The following KCNJ6 variants were observed in gnomAD, a reference collection of about 807,000 sequenced individuals.
KCNJ6 encodes G protein-activated inward rectifier potassium channel 2.
Under a neutral mutation model 34.2 loss-of-function variants are expected in KCNJ6, and 9 were observed. The ratio of observed to expected loss-of-function variants is 0.26; its 90% CI spans 0.16 to 0.46. The LOEUF is 0.46. Ranked by LOEUF, KCNJ6 falls within the 20% of genes least tolerant of loss-of-function variation. KCNJ6 has a pLI of 1.00. For missense variants in KCNJ6, 236 were observed against 531.3 expected, an observed-to-expected ratio of 0.44 and a Z score of 5.46; for synonymous variants, 196 against 207.1, an observed-to-expected ratio of 0.95 and a Z score of 0.46.
chr21:37,775,108 G>A (rs1219285194), intron 2 of KCNJ6, among the ~76,000 whole-genome samples: 4 of 152,194 alleles, frequency 2.6e-5, no homozygotes, highest in African/African-American at 7.2e-5. Context: ...CAGGGAAGAT[G>A]AGCATTTTTT....
chr21:37,795,629 C>T (rs1180478605), intron 2 of KCNJ6, among the ~76,000 whole-genome samples: 1 of 151,436 alleles, frequency 6.6e-6, no homozygotes, highest in African/African-American at 2.4e-5. Context: ...CCTGTAATCC[C>T]AGCTACTCGG....
chr21:37,666,842 T>A (rs1049798503), intron 3 of KCNJ6, among the ~76,000 whole-genome samples: 15 of 151,834 alleles, frequency 9.9e-5, no homozygotes, highest in Non-Finnish European at 1.9e-4. Flanking sequence ...TGTTAATCTA[T>A]AACCTTACCC....
intron 2 of KCNJ6, among the ~76,000 whole-genome samples, chr21:37,746,799 G>C (rs758926490): frequency 3.9e-5 from 6 of 152,130 alleles, no homozygotes; most frequent in Non-Finnish European, 7.3e-5. Flanking sequence ...ATTTGGAATG[G>C]GAGTCTATAA....
chr21:37,797,029 A>G (rs1032999317), intron 2 of KCNJ6, among the ~76,000 whole-genome samples: 1 of 151,346 alleles, frequency 6.6e-6, no homozygotes, highest in African/African-American at 2.4e-5. Context: ...TCCTGACCTC[A>G]TGATCCACCC....
intron 1 of KCNJ6, among the ~76,000 whole-genome samples, chr21:37,869,521 C>T (rs1032744248): frequency 1.3e-5 from 2 of 152,188 alleles, no homozygotes; most frequent in African/African-American, 4.8e-5. Flanking sequence ...CGGGCTTTTA[C>T]ATGTTTGTGT....
At chr21:37,741,145 G>C (rs534532169) in intron 2 of KCNJ6, among the ~76,000 whole-genome samples, 1 of 152,302 alleles carries the variant, frequency 6.6e-6, no homozygotes, top group South Asian at 2.1e-4. Flanking sequence ...TGACTTGCTT[G>C]CAAGATATTT....
At chr21:37,843,229 T>C (rs895679696) in intron 1 of KCNJ6, among the ~76,000 whole-genome samples, 3 of 152,178 alleles carry the variant, frequency 2.0e-5, no homozygotes, top group African/African-American at 7.2e-5. Flanking sequence ...GGGTGGTCCT[T>C]GCAGCTATTT....
At chr21:37,808,699 T>C (rs772172232) in intron 2 of KCNJ6, among the ~76,000 whole-genome samples, 2 of 152,238 alleles carry the variant, frequency 1.3e-5, no homozygotes, top group Non-Finnish European at 2.9e-5. Context: ...ATTGGAGGCA[T>C]GAACACCCAG....
At chr21:37,744,135 A>G (rs866435256) in intron 2 of KCNJ6, among the ~76,000 whole-genome samples, 9 of 121,498 alleles carry the variant, frequency 7.4e-5, no homozygotes, top group Middle Eastern at 4.6e-3. Flanking sequence ...ACACAGGAAG[A>G]GGAACATCAC....
At chr21:37,653,189 A>G (rs2054441763) in intron 3 of KCNJ6, among the ~76,000 whole-genome samples, 1 of 152,226 alleles carries the variant, frequency 6.6e-6, no homozygotes, top group African/African-American at 2.4e-5. Context: ...ACAAAGGAGT[A>G]AAAAGGGAAT....
At chr21:37,722,615 A>AACTC (rs2054832537) in intron 2 of KCNJ6, among the ~76,000 whole-genome samples, 1 of 152,190 alleles carries the variant, frequency 6.6e-6, no homozygotes, top group South Asian at 2.1e-4. Context: ...CAGAACAGAG[A>AACTC]ACTCAGCAAT....
At chr21:37,823,508 T>C (rs1037372258) in intron 2 of KCNJ6, among the ~76,000 whole-genome samples, 2 of 152,200 alleles carry the variant, frequency 1.3e-5, no homozygotes, top group Non-Finnish European at 2.9e-5. Flanking sequence ...GATTGGATCA[T>C]GGAGGCTCCT....
intron 1 of KCNJ6, among the ~76,000 whole-genome samples, chr21:37,860,394 G>A (rs772442293): frequency 4.6e-5 from 7 of 152,188 alleles, no homozygotes; most frequent in Admixed American, 1.3e-4. Flanking sequence ...CTCCTTTCTC[G>A]CCTGGTCTAC....
chr21:37,807,917 C>T (rs574409911), intron 2 of KCNJ6, among the ~76,000 whole-genome samples: 1 of 152,278 alleles, frequency 6.6e-6, no homozygotes, highest in African/African-American at 2.4e-5. Flanking sequence ...GTCTGGGAAC[C>T]AACCAGGCAT....
Position 37,714,374 on chromosome 21 carries a change from G to A in KCNJ6, c.783C>T (p.Asn261=), listed in dbSNP as rs750239156. 2.4e-5 allele frequency: 39 copies of A among 1,614,120 alleles called. No individual in the cohort carries two copies. The highest frequency in any genetic ancestry group is 2.2e-4 in the East Asian group (10 of 44,876). The change falls in exon 3 of 4, where the codon AAC becomes AAT. Residue 261 remains asparagine (N), a synonymous_variant. Coordinates refer to ENST00000609713, the MANE Select transcript of KCNJ6 (RefSeq NM_002240.5). This position sits in a 1 kb window ranked among gnomAD's most constrained non-coding sequence, Gnocchi z 5.9. ...GGTCATCCCCCGTGTAATACCCTAC[G>A]TTGATATCCGTCTGGTTCAACGGGA... The part of the protein sequence containing the change: ...EFIPLNQTDI[N]VGYYTGDDRL...
intron 1 of KCNJ6, among the ~76,000 whole-genome samples, chr21:37,878,703 A>G (rs896457905): frequency 6.6e-6 from 1 of 152,164 alleles, no homozygotes; most frequent in Admixed American, 6.5e-5. Context: ...CTAACATACT[A>G]TGTCTACCAC....
intron 3 of KCNJ6, among the ~76,000 whole-genome samples, chr21:37,694,537 G>A (rs748208357): frequency 6.6e-6 from 1 of 152,176 alleles, no homozygotes; most frequent in African/African-American, 2.4e-5. Context: ...CAACATTTTA[G>A]TCTGCAAAAA....
chr21:37,877,326 T>C (rs1268269730), intron 1 of KCNJ6, among the ~76,000 whole-genome samples: 2 of 152,154 alleles, frequency 1.3e-5, no homozygotes, highest in South Asian at 2.1e-4. Context: ...TACCATGAAA[T>C]ACACAGGTCA....
At chr21:37,888,090 T>A (rs118049255) in intron 1 of KCNJ6, among the ~76,000 whole-genome samples, 1,811 of 152,334 alleles carry the variant, frequency 0.012, 25 homozygotes, top group Non-Finnish European at 0.017. Context: ...ATTGTCTCCA[T>A]GACAGGCCCA....
Sources: allele counts gnomAD v4.1 joint callset (sites outside exome capture counted in the v4.1 genomes callset), GRCh38; gene constraint gnomAD v4.1.1; non-coding constraint Gnocchi (gnomAD v3.1); transcripts MANE v1.5; gene names NCBI Gene and HGNC (gene_info 2026-07-23, HGNC 2026-07-21).